ZNF277: variants seen among roughly 807,000 people sequenced by gnomAD.
ZNF277 encodes zinc finger protein 277.
A neutral mutation model predicts 60.7 loss-of-function variants in ZNF277; 55 were observed. The ratio of observed to expected loss-of-function variants is 0.91; its 90% CI spans 0.73 to 1.13. ZNF277 has a LOEUF of 1.13. ZNF277 is among the 50% of genes most tolerant of loss of function. The pLI is 0.00. For missense variants in ZNF277, 510 were observed against 523.0 expected (o/e 0.98, Z 0.24); for synonymous variants, 178 against 179.3 (o/e 0.99, Z 0.06).
Position 112,336,461 on chromosome 7 carries a change from C to A in ZNF277, c.869+290C>A, listed in dbSNP as rs572838162. Among the ~76,000 whole-genome samples, 38 of 152,260 alleles carry A rather than the reference C, an allele frequency of 2.5e-4. 1 individual carries two copies. The South Asian group carries it at 7.9e-3, about 32-fold the overall frequency. ...AAGTGCTTTGCCTGCTCAGTTAGTG[C>A]TCAGACCTTGAAGTGATGTGATCTT... is the stretch of plus-strand genomic sequence containing the variant. On this transcript the variant is annotated intron_variant, in intron 8 of 11. Coordinates refer to ENST00000361822, the MANE Select transcript of ZNF277 (RefSeq NM_021994.3).
At chr7:112,266,572 G>A (rs1008520671) in intron 1 of ZNF277, among the ~76,000 whole-genome samples, 7 of 151,836 alleles carry the variant, frequency 4.6e-5, no homozygotes, top group East Asian at 1.9e-4. Flanking sequence ...TTTTGACAGC[G>A]GGGTAAGAGC....
At chr7:112,341,512 A>G (rs1793444508) in intron 11 of ZNF277, among the ~76,000 whole-genome samples, 2 of 152,192 alleles carry the variant, frequency 1.3e-5, no homozygotes, top group South Asian at 4.1e-4. Flanking sequence ...CACTTATCTA[A>G]TTATTTAATT....
chr7:112,301,091 C>CT (rs993413265), intron 4 of ZNF277, among the ~76,000 whole-genome samples: 20 of 151,312 alleles, frequency 1.3e-4, no homozygotes, highest in Middle Eastern at 3.4e-3. Context: ...TCACTTTATT[C>CT]TTTTTTTTTC....
intron 1 of ZNF277, among the ~76,000 whole-genome samples, chr7:112,207,475 A>C (rs1054328722): frequency 6.6e-6 from 1 of 152,138 alleles, no homozygotes; most frequent in Non-Finnish European, 1.5e-5. Flanking sequence ...GATAATTTGC[A>C]CTCGTGGCTT....
chr7:112,337,673 A>C, intron 8 of ZNF277, 57 bp from the exon 9 acceptor site: 1 of 1,457,930 alleles, frequency 6.9e-7, no homozygotes, highest in East Asian at 2.3e-5. Flanking sequence ...GTCACTGTGT[A>C]GTATACTCTC....
chr7:112,247,967 C>A (rs1460812126), intron 1 of ZNF277, among the ~76,000 whole-genome samples: 1 of 144,574 alleles, frequency 6.9e-6, no homozygotes. Flanking sequence ...AACTCCATCT[C>A]AAAAAAAAAA....
intron 7 of ZNF277, among the ~76,000 whole-genome samples, chr7:112,335,236 G>A (rs532512292): frequency 2.6e-5 from 4 of 152,152 alleles, no homozygotes; most frequent in Non-Finnish European, 5.9e-5. Context: ...AGGTGGGCCT[G>A]ATCCTAACCA....
At chr7:112,296,919 T>TATTTATTTATTTATTTATTA (rs1563219735) in intron 4 of ZNF277, among the ~76,000 whole-genome samples, 1 of 65,336 alleles carries the variant, frequency 1.5e-5, no homozygotes, top group African/African-American at 5.4e-5. Flanking sequence ...TTTATTTTTT[T>TATTTATTTATTTATTTATTA]TTTTTTTTTT....
intron 1 of ZNF277, among the ~76,000 whole-genome samples, chr7:112,215,821 G>T (rs943689911): frequency 2.0e-5 from 3 of 152,064 alleles, no homozygotes; most frequent in Non-Finnish European, 2.9e-5. Flanking sequence ...AAATAGAGAG[G>T]TTTGTTTTTT....
At chr7:112,322,563 A>G (rs1197809892) in intron 5 of ZNF277, among the ~76,000 whole-genome samples, 1 of 152,092 alleles carries the variant, frequency 6.6e-6, no homozygotes, top group Non-Finnish European at 1.5e-5. Context: ...TGTAAAATAC[A>G]TAATAATTTA....
intron 1 of ZNF277, among the ~76,000 whole-genome samples, chr7:112,267,690 T>A (rs986397951): frequency 3.9e-5 from 6 of 152,298 alleles, no homozygotes; most frequent in South Asian, 2.1e-4. Flanking sequence ...TTTTTCACTG[T>A]TAGGGGATAT....
rs1792146020 is a variant in ZNF277, at chr7:112,289,188, A to G, written c.293+2114A>G. Among the ~76,000 whole-genome samples, 3 of 152,180 alleles carry G rather than the reference A, an allele frequency of 2.0e-5. No homozygotes were observed. In the South Asian group the frequency reaches 6.2e-4, roughly 31 times the overall value. On this transcript the variant is annotated intron_variant, in intron 2 of 11. Transcript: ENST00000361822. ...AAAATATAGCTTTTGAGAAAATTTC[A>G]TTCAAGTTTCTAAATAATCTAAATT...
At chr7:112,254,607 G>A (rs1791268539) in intron 1 of ZNF277, among the ~76,000 whole-genome samples, 1 of 152,182 alleles carries the variant, frequency 6.6e-6, no homozygotes, top group Non-Finnish European at 1.5e-5. Flanking sequence ...ATTACACAAT[G>A]TCAGATTAGC....
intron 4 of ZNF277, among the ~76,000 whole-genome samples, chr7:112,305,909 G>A (rs964884742): frequency 4.6e-5 from 7 of 152,030 alleles, no homozygotes; most frequent in Non-Finnish European, 8.8e-5. Context: ...TCAGCATTCC[G>A]TATGTATTAG....
At chr7:112,206,924 G>T (rs1821507180) in intron 1 of ZNF277, 117 bp downstream of exon 1, 1 of 999,906 alleles carries the variant, frequency 1.0e-6, no homozygotes, top group Non-Finnish European at 1.4e-6. Flanking sequence ...ACCTGGGTTC[G>T]ACTGGGCCCC....
chr7:112,280,174 C>T (rs916414977), intron 1 of ZNF277, among the ~76,000 whole-genome samples: 2 of 152,126 alleles, frequency 1.3e-5, no homozygotes, highest in African/African-American at 4.8e-5. Context: ...CAATTATGCT[C>T]ATGGCAACAG....
intron 9 of ZNF277, among the ~76,000 whole-genome samples, chr7:112,339,504 A>G (rs1384666228): frequency 6.6e-6 from 1 of 152,168 alleles, no homozygotes; most frequent in South Asian, 2.1e-4. Context: ...TTTTTAGTAG[A>G]GACGGGGTTT....
At chr7:112,224,322 T>C (rs1198301082) in intron 1 of ZNF277, among the ~76,000 whole-genome samples, 2 of 152,226 alleles carry the variant, frequency 1.3e-5, no homozygotes, top group African/African-American at 2.4e-5. Context: ...AATTTCATAA[T>C]GTTTTAAGAA....
intron 4 of ZNF277, among the ~76,000 whole-genome samples, 157 bp downstream of exon 4, chr7:112,296,468 AG>A (rs1792335883): frequency 1.3e-5 from 2 of 152,006 alleles, no homozygotes; most frequent in Admixed American, 1.3e-4. Flanking sequence ...ACAAAAAAAA[AG>A]TATACACTTG....
Sources: gnomAD v4.1 joint callset for allele counts (sites outside exome capture counted in the v4.1 genomes callset) on GRCh38, gnomAD v4.1.1 for gene constraint, MANE v1.5 for transcripts, NCBI Gene and HGNC (gene_info 2026-07-23, HGNC 2026-07-21) for gene names.